The following RASSF8 variants were observed in gnomAD, a reference collection of about 807,000 sequenced individuals.
RASSF8 encodes the protein Ras association domain family member 8, also known as ras association domain-containing protein 8.
RASSF8 carries 22 observed loss-of-function variants against 48.5 expected under a neutral mutation model. The ratio of observed to expected loss-of-function variants is 0.45; its 90% CI spans 0.32 to 0.65. RASSF8 has a LOEUF of 0.65. Ranked by LOEUF, RASSF8 falls within the 30% of genes least tolerant of loss-of-function variation. The probability of loss-of-function intolerance (pLI) is 0.03; values close to 1 mark genes in which losing one functional copy is unlikely to be tolerated. For missense variants in RASSF8, 418 were observed against 489.2 expected, an observed-to-expected ratio of 0.85 and a Z score of 1.37; for synonymous variants, 127 against 171.5, an observed-to-expected ratio of 0.74 and a Z score of 2.03.
intron 2 of RASSF8, among the ~76,000 whole-genome samples, chr12:26,001,166 A>G (rs1368041130): frequency 2.0e-5 from 3 of 150,196 alleles, no homozygotes; most frequent in African/African-American, 7.3e-5. Flanking sequence ...TAATTTTTTA[A>G]AAGTGCATTC....
chr12:25,964,127 G>A (rs1159717387), intron 1 of RASSF8, among the ~76,000 whole-genome samples: 1 of 152,154 alleles, frequency 6.6e-6, no homozygotes, highest in East Asian at 1.9e-4. Context: ...GGAAAGTTAT[G>A]GTTGGGAACC....
intron 2 of RASSF8, among the ~76,000 whole-genome samples, chr12:26,016,265 A>G (rs980556721): frequency 6.6e-6 from 1 of 151,340 alleles, no homozygotes; most frequent in African/African-American, 2.4e-5. Context: ...TGGATTATAT[A>G]AAATGAATCT....
intron 1 of RASSF8, among the ~76,000 whole-genome samples, chr12:25,979,718 T>G (rs1941693092): frequency 6.6e-6 from 1 of 152,202 alleles, no homozygotes; most frequent in Non-Finnish European, 1.5e-5. Context: ...GCTCCACCAT[T>G]ATTGGTTTTA....
chr12:26,011,031 C>G (rs1465955651), intron 2 of RASSF8, among the ~76,000 whole-genome samples: 1 of 152,126 alleles, frequency 6.6e-6, no homozygotes, highest in African/African-American at 2.4e-5. Flanking sequence ...TTAATTAATC[C>G]CAGGGTTCTG....
intron 2 of RASSF8, among the ~76,000 whole-genome samples, chr12:26,000,536 A>G (rs527399498): frequency 1.3e-5 from 2 of 152,164 alleles, no homozygotes; most frequent in Non-Finnish European, 2.9e-5. Context: ...ATATACAGTC[A>G]TCTGTCACTT....
chr12:26,014,438 C>T (rs1274016240), intron 2 of RASSF8, among the ~76,000 whole-genome samples: 9 of 152,042 alleles, frequency 5.9e-5, no homozygotes, highest in Admixed American at 3.3e-4. Flanking sequence ...ATAATAAATA[C>T]GATAAATTAT....
At chr12:25,986,033 G>T (rs886509463) in intron 1 of RASSF8, among the ~76,000 whole-genome samples, 2 of 152,308 alleles carry the variant, frequency 1.3e-5, no homozygotes, top group African/African-American at 4.8e-5. Flanking sequence ...CTATAAAAGT[G>T]AAGTGTTTGG....
At chr12:25,987,979 G>A (rs1160629408) in intron 1 of RASSF8, among the ~76,000 whole-genome samples, 1 of 151,416 alleles carries the variant, frequency 6.6e-6, no homozygotes, top group Non-Finnish European at 1.5e-5. Context: ...AGCCTCCTGA[G>A]TAGCTGGGAC....
In RASSF8 at chr12:26,055,281, A is replaced by C; in HGVS notation, c.-63A>C. ...TTCTCCACTCCGTGTTCCTGCAGCT[A>C]GAGACATGACCTAACACCCTGATGA... is the stretch of plus-strand genomic sequence containing the variant. On this transcript the variant is annotated 5_prime_UTR_variant, in exon 3 of 6. Coordinates refer to ENST00000689635, the MANE Select transcript of RASSF8 (RefSeq NM_001394098.1). 41 of 1,325,210 alleles carry C rather than the reference A, an allele frequency of 3.1e-5. No homozygotes were observed. The highest frequency in any genetic ancestry group is 4.3e-5 in the Non-Finnish European group (39 of 916,696). 82.1% of individuals were successfully genotyped at this position (1,325,210 alleles called of 1,614,324 possible).
chr12:26,009,652 C>A (rs1438207755), intron 2 of RASSF8, among the ~76,000 whole-genome samples: 2 of 152,132 alleles, frequency 1.3e-5, no homozygotes, highest in East Asian at 3.9e-4. Context: ...TGAGAAGGAA[C>A]CCCAGTAAAG....
intron 2 of RASSF8, among the ~76,000 whole-genome samples, chr12:26,003,885 T>C (rs1458232223): frequency 2.6e-5 from 4 of 152,174 alleles, no homozygotes; most frequent in Admixed American, 2.6e-4. Context: ...TAAGGATAAA[T>C]GTATCAAGGG....
chr12:26,046,293 T>C (rs1275217216), intron 2 of RASSF8, among the ~76,000 whole-genome samples: 1 of 152,238 alleles, frequency 6.6e-6, no homozygotes, highest in Non-Finnish European at 1.5e-5. Context: ...CAAATGTCCT[T>C]GCAAACTTTG....
At chr12:26,035,857 AT>A (rs1404176409) in intron 2 of RASSF8, among the ~76,000 whole-genome samples, 1 of 142,018 alleles carries the variant, frequency 7.0e-6, no homozygotes. Flanking sequence ...ATTATATAAA[AT>A]ATAATAAAAT....
At chr12:26,073,776 C>CACACACACACACAT (rs1244639136), downstream of RASSF8, among the ~76,000 whole-genome samples, 9 of 115,322 alleles carry the variant, frequency 7.8e-5, no homozygotes, top group African/African-American at 3.1e-4. Context: ...CACACACACA[C>CACACACACACACAT]ATATATATAT....
intron 2 of RASSF8, 24 bp from the exon 3 acceptor site, chr12:26,055,209 TACA>T: frequency 4.4e-6 from 3 of 674,534 alleles, no homozygotes; most frequent in Non-Finnish European, 8.1e-6. Context: ...TTCATTTTAT[TACA>T]AGTGATTTTT....
chr12:26,034,110 T>C (rs1943081753), intron 2 of RASSF8, among the ~76,000 whole-genome samples: 1 of 151,872 alleles, frequency 6.6e-6, no homozygotes, highest in South Asian at 2.1e-4. Context: ...CAGGGAGATG[T>C]GGCTGCCTCA....
At chr12:26,054,751 G>C (rs1943565687) in intron 2 of RASSF8, among the ~76,000 whole-genome samples, 1 of 150,990 alleles carries the variant, frequency 6.6e-6, no homozygotes, top group Admixed American at 6.6e-5. Context: ...TTGTTTGTTT[G>C]TTTTAAATCA....
At chr12:26,003,617 A>G (rs1345884675) in intron 2 of RASSF8, among the ~76,000 whole-genome samples, 1 of 152,166 alleles carries the variant, frequency 6.6e-6, no homozygotes. Context: ...TCAAAAAATA[A>G]CTGTATAGGG....
chr12:26,034,847 C>A (rs113577207), intron 2 of RASSF8, among the ~76,000 whole-genome samples: 1 of 146,806 alleles, frequency 6.8e-6, no homozygotes, highest in South Asian at 2.1e-4. Flanking sequence ...TAAAAAAAAA[C>A]ATCTAACTAA....
Sources: gnomAD v4.1 joint callset for allele counts (sites outside exome capture counted in the v4.1 genomes callset) on GRCh38, gnomAD v4.1.1 for gene constraint, MANE v1.5 for transcripts, NCBI Gene and HGNC (gene_info 2026-07-23, HGNC 2026-07-21) for gene names.